Variants in RAMP3 observed in about 807,000 individuals in gnomAD.
The protein encoded by RAMP3 is receptor activity modifying protein 3.
In RAMP3, 14 loss-of-function variants were observed where a neutral mutation model predicts 13.5. The ratio of observed to expected loss-of-function variants is 1.04; its 90% CI spans 0.69 to 1.63. The LOEUF (loss-of-function observed/expected upper bound fraction) is 1.63, where lower values mean the gene tolerates loss of function less well. Ranked by LOEUF, RAMP3 falls within the 40% of genes most tolerant of loss-of-function variation. The probability of loss-of-function intolerance (pLI) is 0.00; values close to 1 mark genes in which losing one functional copy is unlikely to be tolerated. For missense variants in RAMP3, 200 were observed against 204.8 expected (o/e 0.98, Z 0.14); for synonymous variants, 106 against 88.3 (o/e 1.20, Z -1.12).
chr7:45,181,385 T>C (rs984103844), intron 2 of RAMP3, among the ~76,000 whole-genome samples: 1 of 152,230 alleles, frequency 6.6e-6, no homozygotes, highest in African/African-American at 2.4e-5. Context: ...CACCTCCTCT[T>C]GGGACGGTTC....
At position 45,183,498 on chromosome 7, in the gene RAMP3, C is replaced by T. The variant is rs1346196518; in HGVS notation, c.*86C>T. The T allele has an allele frequency of 1.3e-6, 2 of 1,552,326 alleles. No individual in the cohort carries two copies. The highest frequency in any genetic ancestry group is 1.7e-5 in the Admixed American group (1 of 58,996). ...GGGAGAGCGGGTGGGTGCTGCCAATCTCCAGCTACTGTGGCCACACCCCAC... is the reference window on the plus strand; with the variant it reads ...GGGAGAGCGGGTGGGTGCTGCCAATTTCCAGCTACTGTGGCCACACCCCAC... On this transcript the variant is annotated 3_prime_UTR_variant, in exon 3 of 3. Coordinates refer to ENST00000242249, the MANE Select transcript of RAMP3 (RefSeq NM_005856.3).
chr7:45,167,303 C>T (rs188119788), intron 1 of RAMP3, among the ~76,000 whole-genome samples: 367 of 152,082 alleles, frequency 2.4e-3, no homozygotes, highest in African/African-American at 8.3e-3. Context: ...GAGAAGGGTC[C>T]GACTTTATTC....
chr7:45,170,588 C>T (rs949448147), intron 1 of RAMP3, among the ~76,000 whole-genome samples: 3 of 151,830 alleles, frequency 2.0e-5, no homozygotes, highest in East Asian at 1.9e-4. Flanking sequence ...CTGCTCGCCT[C>T]GGCCTTCCAA....
chr7:45,162,700 G>A (rs1334230162), intron 1 of RAMP3, among the ~76,000 whole-genome samples: 3 of 152,222 alleles, frequency 2.0e-5, no homozygotes, highest in Non-Finnish European at 4.4e-5. Context: ...GGTCAGTACT[G>A]AGGGGGGTGG....
intron 1 of RAMP3, chr7:45,164,012 T>C: frequency 6.0e-6 from 3 of 501,944 alleles, no homozygotes; most frequent in Non-Finnish European, 7.7e-6. Context: ...TATTAGACTT[T>C]AAATAAACTC....
intron 1 of RAMP3, among the ~76,000 whole-genome samples, chr7:45,158,129 G>T (rs150807858): frequency 2.0e-5 from 3 of 152,212 alleles, no homozygotes; most frequent in Admixed American, 6.5e-5. Context: ...GTCTTCTGAC[G>T]GCAGGGTCCG....
intron 2 of RAMP3, among the ~76,000 whole-genome samples, chr7:45,178,296 C>T (rs1235629412): frequency 6.6e-6 from 1 of 152,184 alleles, no homozygotes; most frequent in Non-Finnish European, 1.5e-5. Context: ...CATCTCCTTA[C>T]CTCCTTGGAA....
intron 2 of RAMP3, among the ~76,000 whole-genome samples, chr7:45,180,235 C>T (rs1786278193): frequency 6.6e-6 from 1 of 152,216 alleles, no homozygotes. Context: ...GGCAGTACAC[C>T]CTGGGTGGAG....
At chr7:45,165,860 T>C (rs768172111) in intron 1 of RAMP3, among the ~76,000 whole-genome samples, 9 of 151,606 alleles carry the variant, frequency 5.9e-5, no homozygotes, top group Non-Finnish European at 1.0e-4. Flanking sequence ...TAGTGGTATG[T>C]TTTAGCACTT....
In RAMP3 at chr7:45,172,878, T is replaced by A. The variant is rs534852379; in HGVS notation, c.59-4431T>A. Among the ~76,000 whole-genome samples, 10 of 152,248 alleles carry A rather than the reference T, an allele frequency of 6.6e-5. No individual in the cohort carries two copies. The South Asian group carries it at 1.7e-3, about 25-fold the overall frequency. On this transcript the variant is annotated intron_variant, in intron 1 of 2. Transcript: ENST00000242249. ...TGGGGTTTCCCTGGGTCCATCCAGG[T>A]CATGTGAATTTGGGCTGTGAATCCA...
chr7:45,159,171 T>C (rs1785818790), intron 1 of RAMP3, among the ~76,000 whole-genome samples: 1 of 152,200 alleles, frequency 6.6e-6, no homozygotes, highest in Non-Finnish European at 1.5e-5. Flanking sequence ...CTTTGTCCTG[T>C]TGTGTTGGTC....
At position 45,183,581 on chromosome 7, in the gene RAMP3, G is replaced by C; in HGVS notation, c.*169G>C. The C allele has an allele frequency of 1.1e-6, 1 of 946,386 alleles. No individual in the cohort carries two copies. The highest frequency in any genetic ancestry group is 2.6e-5 in the East Asian group (1 of 38,374). The allele number at this position is 946,386 out of a possible 1,614,324, so 58.6% of individuals were successfully genotyped here. A position where few individuals can be genotyped will look rare whatever the true frequency, so the allele number is the denominator to read the frequency against. ...TGACCTGCTCCCTCGAGGCCAGCCT[G>C]CTCCCTGGCTGAGGCTCAGGCTATC... On this transcript the variant is annotated 3_prime_UTR_variant, in exon 3 of 3. Transcript: ENST00000242249.
intron 2 of RAMP3, 78 bp from the exon 3 acceptor site, chr7:45,183,079 C>A (rs895306768): frequency 6.4e-7 from 1 of 1,572,262 alleles, no homozygotes. Flanking sequence ...CCACCCCACC[C>A]ATCTTCCTGG....
intron 1 of RAMP3, among the ~76,000 whole-genome samples, chr7:45,161,281 G>A (rs767816391): frequency 6.6e-6 from 1 of 152,082 alleles, no homozygotes; most frequent in African/African-American, 2.4e-5. Flanking sequence ...TTGTAGAGCC[G>A]TGGGGGAGGG....
At chr7:45,174,508 C>T (rs1473735830) in intron 1 of RAMP3, among the ~76,000 whole-genome samples, 1 of 152,190 alleles carries the variant, frequency 6.6e-6, no homozygotes, top group Admixed American at 6.5e-5. Flanking sequence ...GCTACCCGGG[C>T]AGCTCAAGTC....
chr7:45,172,804 G>C (rs755404079), intron 1 of RAMP3, among the ~76,000 whole-genome samples: 1 of 152,182 alleles, frequency 6.6e-6, no homozygotes. Flanking sequence ...GAGAGGGTTT[G>C]GGTTTATTTG....
chr7:45,176,152 C>T (rs1786181799), intron 1 of RAMP3, among the ~76,000 whole-genome samples: 1 of 152,168 alleles, frequency 6.6e-6, no homozygotes, highest in Admixed American at 6.5e-5. Context: ...GAGGTGGGGC[C>T]TGTATCCCTC....
intron 1 of RAMP3, among the ~76,000 whole-genome samples, chr7:45,164,384 A>T (rs866374550): frequency 1.3e-4 from 20 of 152,268 alleles, no homozygotes; most frequent in African/African-American, 4.3e-4. Context: ...ACAAAAAAAA[A>T]ATTAGCTGAG....
chr7:45,160,070 C>A (rs532211283), intron 1 of RAMP3, among the ~76,000 whole-genome samples: 2 of 152,136 alleles, frequency 1.3e-5, no homozygotes, highest in Non-Finnish European at 2.9e-5. Context: ...CGGTGGCTCA[C>A]GCCTGTAATC....
Sources: allele counts gnomAD v4.1 joint callset (sites outside exome capture counted in the v4.1 genomes callset), GRCh38; gene constraint gnomAD v4.1.1; transcripts MANE v1.5; gene names NCBI Gene and HGNC (gene_info 2026-07-23, HGNC 2026-07-21).